EMCN: variants seen among roughly 807,000 people sequenced by gnomAD.
EMCN encodes the protein MUC-14.
In EMCN, 37 loss-of-function variants were observed where a neutral mutation model predicts 38.4. That is an observed-to-expected ratio of 0.96 (90% CI 0.74 to 1.27). The LOEUF (loss-of-function observed/expected upper bound fraction) is 1.27. Among genes scored for constraint, EMCN ranks in the 50% most tolerant of loss-of-function variants. EMCN has a pLI of 0.00. For missense variants in EMCN, 318 were observed against 302.8 expected (o/e 1.05, Z -0.37); for synonymous variants, 95 against 100.8 (o/e 0.94, Z 0.35).
intron 1 of EMCN, among the ~76,000 whole-genome samples, chr4:100,490,645 G>A (rs1007687451): frequency 6.6e-6 from 1 of 152,064 alleles, no homozygotes; most frequent in African/African-American, 2.4e-5. Flanking sequence ...ATGTTACATC[G>A]GTTTTTAGCC....
intron 5 of EMCN, among the ~76,000 whole-genome samples, chr4:100,439,303 C>G (rs966959336): frequency 6.6e-6 from 1 of 151,772 alleles, no homozygotes; most frequent in African/African-American, 2.4e-5. Flanking sequence ...TGTTATTGGT[C>G]TGTTGTTCAA....
intron 11 of EMCN, among the ~76,000 whole-genome samples, chr4:100,400,960 C>A (rs1726243086): frequency 6.6e-6 from 1 of 152,042 alleles, no homozygotes; most frequent in Admixed American, 6.6e-5. Context: ...TGAATAGTCA[C>A]TGAATCTCTC....
At chr4:100,449,297 A>G (rs1727773389) in intron 4 of EMCN, among the ~76,000 whole-genome samples, 1 of 152,134 alleles carries the variant, frequency 6.6e-6, no homozygotes, top group Non-Finnish European at 1.5e-5. Flanking sequence ...GATACCTATA[A>G]GGGAAATATT....
chr4:100,401,309 A>T (rs769538847), intron 11 of EMCN, among the ~76,000 whole-genome samples: 4 of 152,204 alleles, frequency 2.6e-5, no homozygotes, highest in Non-Finnish European at 5.9e-5. Flanking sequence ...ATACAAATCG[A>T]AATATAGTAT....
chr4:100,438,132 G>C lies in EMCN; in HGVS notation c.415+9401C>G, dbSNP rs566210722. Among the ~76,000 whole-genome samples, 8 of 151,750 alleles carry C rather than the reference G, an allele frequency of 5.3e-5. 1 individual carries two copies. The South Asian group carries it at 1.7e-3, about 32-fold the overall frequency. On this transcript the variant is annotated intron_variant, in intron 5 of 11. Transcript: ENST00000296420. Reference sequence around the variant, plus strand: ...TTTCTCGGTTAAATTTATTCCTAAGGACAGATGGTCCTCAACTCACAAGTT... The same window carrying C: ...TTTCTCGGTTAAATTTATTCCTAAGCACAGATGGTCCTCAACTCACAAGTT...
intron 1 of EMCN, among the ~76,000 whole-genome samples, chr4:100,501,926 G>C (rs1004459078): frequency 6.6e-6 from 1 of 151,724 alleles, no homozygotes; most frequent in African/African-American, 2.4e-5. Context: ...CATTTGTTTG[G>C]GGAAATACCC....
Position 100,423,410 on chromosome 4 carries a change from T to G in EMCN, c.416-6A>C, listed in dbSNP as rs748040651. ...ATCTGGTTGTAGAACACTACCTGTA[T>G]GAAAATTACAAATGCAGAATCAGGC... On this transcript the variant is annotated splice_polypyrimidine_tract_variant and splice_region_variant and intron_variant, in intron 5 of 11. Transcript: ENST00000296420. 1 of 1,597,452 alleles carries G rather than the reference T, an allele frequency of 6.3e-7. No homozygotes were observed. The highest frequency in any genetic ancestry group is 1.3e-5 in the African/African-American group (1 of 74,542).
rs114090512 is a variant in EMCN, at chr4:100,458,942, C to A, written c.376+6481G>T. Reference sequence around the variant, plus strand: ...AGCCTTCCCCTGGGTGCTAGAGGCTCTGTTCAGCATGGAGAGAGGTTCTTT... The same window carrying A: ...AGCCTTCCCCTGGGTGCTAGAGGCTATGTTCAGCATGGAGAGAGGTTCTTT... On this transcript the variant is annotated intron_variant, in intron 4 of 11. Transcript: ENST00000296420. Among the ~76,000 whole-genome samples the A allele has an allele frequency of 6.8e-3, 1,033 of 152,174 alleles. 13 individuals are homozygous for A. The highest frequency in any genetic ancestry group is 0.022 in the African/African-American group (899 of 41,526).
rs1354223308 is a variant in EMCN, at chr4:100,430,448, CA to C, written c.416-7045del. Among the ~76,000 whole-genome samples the C allele has an allele frequency of 3.9e-5, 6 of 152,246 alleles. No individual in the cohort carries two copies. The East Asian group carries it at 9.6e-4, about 24-fold the overall frequency. ...AAAAAGGCATTTTTTCTTATCAAAA[CA>C]AGCTAAACACTTTCCTTCAACAGGT... On this transcript the variant is annotated intron_variant, in intron 5 of 11. Coordinates refer to ENST00000296420, the MANE Select transcript of EMCN (RefSeq NM_016242.4).
chr4:100,472,691 A>G (rs1457131810), intron 3 of EMCN, among the ~76,000 whole-genome samples: 1 of 152,118 alleles, frequency 6.6e-6, no homozygotes, highest in Non-Finnish European at 1.5e-5. Context: ...ATAAAAAAGA[A>G]AAAGTTGGAG....
At chr4:100,440,813 G>A (rs763498571) in intron 5 of EMCN, among the ~76,000 whole-genome samples, 71 of 151,982 alleles carry the variant, frequency 4.7e-4, no homozygotes, top group African/African-American at 1.3e-3. Context: ...TGATCTATCC[G>A]TTGTTAAAAG....
In EMCN at chr4:100,397,783, G is replaced by C. The variant is rs1199492137; in HGVS notation, c.*630C>G. 2.6e-5 allele frequency: 4 copies of C among 151,936 alleles called. No individual in the cohort carries two copies. The highest frequency in any genetic ancestry group is 4.4e-5 in the Non-Finnish European group (3 of 67,992). The allele number at this position is 151,936 out of a possible 1,614,324, so 9.4% of individuals were successfully genotyped here. On this transcript the variant is annotated 3_prime_UTR_variant, in exon 12 of 12. Transcript: ENST00000296420. ...CATCCAAAAATATTCATAATTATAGGAAGACAATAACATTGCCATTTTCAC... is the reference window on the plus strand; with the variant it reads ...CATCCAAAAATATTCATAATTATAGCAAGACAATAACATTGCCATTTTCAC...
Position 100,415,986 on chromosome 4 carries a change from A to G in EMCN, c.690-27T>C, listed in dbSNP as rs146941898. On this transcript the variant is annotated intron_variant, in intron 9 of 11. Coordinates refer to ENST00000296420, the MANE Select transcript of EMCN (RefSeq NM_016242.4). Reference sequence around the variant, plus strand: ...TATTTGAAAAAAAAAACATGAAATTAACACCACAGTAATCAGCATTGTATG... The same window carrying G: ...TATTTGAAAAAAAAAACATGAAATTGACACCACAGTAATCAGCATTGTATG... 4.9e-4 allele frequency: 721 copies of G among 1,473,456 alleles called. 8 individuals are homozygous for G. In the East Asian group the frequency reaches 0.016, roughly 32 times the overall value. 91.3% of individuals were successfully genotyped at this position (1,473,456 alleles called of 1,614,324 possible). A position where few individuals can be genotyped will look rare whatever the true frequency, so the allele number is the denominator to read the frequency against.
At position 100,439,815 on chromosome 4, in the gene EMCN, G is replaced by A. The variant is rs76601850; in HGVS notation, c.415+7718C>T. 2.0e-5 allele frequency among the ~76,000 whole-genome samples: 3 copies of A among 151,572 alleles called. No individual in the cohort carries two copies. In the East Asian group the frequency reaches 5.8e-4, roughly 29 times the overall value. On this transcript the variant is annotated intron_variant, in intron 5 of 11. Transcript: ENST00000296420. Reference sequence around the variant, plus strand: ...CTTTTGCTACATTTCATAGGTTTTGGTATGTTGTGCTTTAATTATTGTTTG... The same window carrying A: ...CTTTTGCTACATTTCATAGGTTTTGATATGTTGTGCTTTAATTATTGTTTG...
At chr4:100,403,184 T>A (rs544125928) in intron 11 of EMCN, among the ~76,000 whole-genome samples, 3 of 152,260 alleles carry the variant, frequency 2.0e-5, no homozygotes, top group Admixed American at 1.3e-4. Context: ...ATCCATGTAA[T>A]TGGCATAATA....
intron 11 of EMCN, among the ~76,000 whole-genome samples, chr4:100,403,630 G>A (rs1350571363): frequency 6.6e-6 from 1 of 151,998 alleles, no homozygotes; most frequent in African/African-American, 2.4e-5. Flanking sequence ...TCTATTTTAA[G>A]TTCTTTGAGA....
At chr4:100,512,339 A>G (rs1375309985) in intron 1 of EMCN, among the ~76,000 whole-genome samples, 1 of 152,164 alleles carries the variant, frequency 6.6e-6, no homozygotes, top group African/African-American at 2.4e-5. Context: ...TGTAATTGAC[A>G]CCACTAATGT....
intron 11 of EMCN, among the ~76,000 whole-genome samples, chr4:100,404,663 C>A (rs114792984): frequency 1.1e-3 from 164 of 152,172 alleles, no homozygotes; most frequent in African/African-American, 3.9e-3. Flanking sequence ...CAGCTTTGTT[C>A]TTTTTGCTTA....
intron 1 of EMCN, among the ~76,000 whole-genome samples, chr4:100,501,582 T>TA (rs1729350939): frequency 6.6e-6 from 1 of 152,272 alleles, no homozygotes; most frequent in South Asian, 2.1e-4. Context: ...TACAAAATTA[T>TA]AAAAAGCTTC....
Sources: gnomAD v4.1 joint callset for allele counts (sites outside exome capture counted in the v4.1 genomes callset) on GRCh38, gnomAD v4.1.1 for gene constraint, MANE v1.5 for transcripts, NCBI Gene and HGNC (gene_info 2026-07-23, HGNC 2026-07-21) for gene names.